Variants in PCSK5 observed in about 807,000 individuals in gnomAD.
PCSK5 encodes the protein prohormone convertase 5.
Under a neutral mutation model 233.2 loss-of-function variants are expected in PCSK5, and 129 were observed. The observed-to-expected ratio is 0.55, with a 90% CI of 0.48 to 0.64. The LOEUF is 0.64. PCSK5 is among the 30% of genes least tolerant of loss of function. The pLI, the probability that PCSK5 is intolerant of heterozygous loss-of-function variation, is 0.00. For missense variants in PCSK5, 2,076 were observed against 2,430.1 expected (o/e 0.85, Z 3.06); for synonymous variants, 825 against 879.2 (o/e 0.94, Z 1.09).
At chr9:75,957,414 T>C (rs1205789057) in intron 2 of PCSK5, among the ~76,000 whole-genome samples, 1 of 152,160 alleles carries the variant, frequency 6.6e-6, no homozygotes, top group Non-Finnish European at 1.5e-5. Context: ...GGCAGTGTTG[T>C]TACAATAAAT....
intron 5 of PCSK5, among the ~76,000 whole-genome samples, chr9:76,056,797 G>A (rs1829834981): frequency 6.6e-6 from 1 of 152,016 alleles, no homozygotes; most frequent in Admixed American, 6.6e-5. Context: ...TGCAATAAGA[G>A]GCATTTTTTT....
Position 76,159,052 on chromosome 9 carries a change from C to T in PCSK5, c.1500C>T (p.Arg500=). 6.2e-7 allele frequency: 1 copy of T among 1,614,172 alleles called. No homozygotes were observed. The highest frequency in any genetic ancestry group is 1.7e-5 in the Admixed American group (1 of 60,028). The change falls in exon 12 of 38, where the codon CGC becomes CGT. Residue 500 remains arginine (R), a synonymous_variant. Transcript: ENST00000674117. ...CAGGCTGCTCGGATAACCCCAACCG[C>T]CATGTCAACTACCTGGAGCACGTCG... ...KASGCSDNPN[R]HVNYLEHVVV... is the part of the protein sequence containing the mutation.
intron 1 of PCSK5, among the ~76,000 whole-genome samples, chr9:75,901,976 G>A (rs2131201407): frequency 6.6e-6 from 1 of 152,204 alleles, no homozygotes; most frequent in Admixed American, 6.5e-5. Flanking sequence ...AGCACTTTGG[G>A]AGGCCAAGGC....
chr9:76,112,773 T>A (rs1166362080), intron 9 of PCSK5, among the ~76,000 whole-genome samples: 2 of 152,010 alleles, frequency 1.3e-5, no homozygotes, highest in Admixed American at 1.3e-4. Flanking sequence ...GGGAAGCAAA[T>A]GTACACTAAC....
intron 20 of PCSK5, among the ~76,000 whole-genome samples, chr9:76,206,231 G>A (rs907819213): frequency 1.3e-5 from 2 of 152,158 alleles, no homozygotes; most frequent in African/African-American, 4.8e-5. Context: ...ACCAACACTG[G>A]TGTTAACTAC....
intron 4 of PCSK5, among the ~76,000 whole-genome samples, chr9:76,026,366 G>A (rs773342633): frequency 6.6e-6 from 1 of 152,088 alleles, no homozygotes; most frequent in Non-Finnish European, 1.5e-5. Context: ...TCTAAATTAT[G>A]GACTCCTTTA....
chr9:76,057,152 CA>C (rs1478733489), intron 5 of PCSK5, among the ~76,000 whole-genome samples: 10 of 152,082 alleles, frequency 6.6e-5, no homozygotes, highest in Non-Finnish European at 1.3e-4. Context: ...GGTCTCTGAG[CA>C]AAAACACATC....
chr9:76,296,580 C>A, intron 26 of PCSK5, 85 bp from the exon 27 acceptor site: 1 of 782,516 alleles, frequency 1.3e-6, no homozygotes. Flanking sequence ...GAAAAATGTC[C>A]CTAAAATTTC....
At chr9:76,066,446 C>G (rs978947042) in intron 5 of PCSK5, among the ~76,000 whole-genome samples, 2 of 152,090 alleles carry the variant, frequency 1.3e-5, no homozygotes, top group Non-Finnish European at 2.9e-5. Context: ...AATTCTACTT[C>G]TAGGAATTCG....
intron 33 of PCSK5, among the ~76,000 whole-genome samples, chr9:76,330,841 G>A (rs1044392497): frequency 5.3e-5 from 8 of 152,030 alleles, no homozygotes; most frequent in Admixed American, 3.9e-4. Context: ...CTTCCCAGCA[G>A]TTGCTGCTTC....
rs182941557 is a variant in PCSK5 at position 76,092,872 on chromosome 9, C to G, written c.895-3018C>G. Among the ~76,000 whole-genome samples the G allele has an allele frequency of 1.0e-3, 154 of 152,226 alleles. 1 individual carries two copies. The Middle Eastern group carries it at 0.01, about 10-fold the overall frequency. ...AAAAATTATCTCTTAACAATTGACT[C>G]TTTGTTTTCCCTCTTAGTAGAGGAA... On this transcript the variant is annotated intron_variant, in intron 7 of 37. Coordinates refer to ENST00000674117, the MANE Select transcript of PCSK5 (RefSeq NM_001372043.1).
chr9:76,314,085 A>T (rs1194760139), intron 30 of PCSK5, among the ~76,000 whole-genome samples: 1 of 152,180 alleles, frequency 6.6e-6, no homozygotes, highest in African/African-American at 2.4e-5. Flanking sequence ...GGATTCTTTG[A>T]GTGTTCCAGG....
At chr9:76,004,499 G>T (rs570441851) in intron 3 of PCSK5, among the ~76,000 whole-genome samples, 2 of 152,202 alleles carry the variant, frequency 1.3e-5, no homozygotes, top group East Asian at 3.9e-4. Flanking sequence ...TGTAGCACGT[G>T]CATATCCTAT....
chr9:76,258,487 A>G (rs1827054935), intron 24 of PCSK5, among the ~76,000 whole-genome samples: 1 of 152,168 alleles, frequency 6.6e-6, no homozygotes, highest in Non-Finnish European at 1.5e-5. Flanking sequence ...TTTCAGATTT[A>G]TTGTGTTCAG....
intron 5 of PCSK5, among the ~76,000 whole-genome samples, chr9:76,064,112 G>T: frequency 8.5e-6 from 1 of 118,198 alleles, no homozygotes; most frequent in African/African-American, 3.8e-5. Context: ...CCTCCCAGAC[G>T]GGGCGGCTGG....
intron 35 of PCSK5, among the ~76,000 whole-genome samples, chr9:76,348,810 C>T (rs536050729): frequency 2.6e-5 from 4 of 151,994 alleles, no homozygotes; most frequent in African/African-American, 9.6e-5. Context: ...AGCCCCCCAG[C>T]CCCCAGCCTC....
intron 8 of PCSK5, among the ~76,000 whole-genome samples, chr9:76,104,906 A>G (rs1831915663): frequency 6.6e-6 from 1 of 152,204 alleles, no homozygotes; most frequent in African/African-American, 2.4e-5. Flanking sequence ...ACACCTGGAA[A>G]CAAGCTACTT....
intron 16 of PCSK5, among the ~76,000 whole-genome samples, chr9:76,183,009 C>G (rs1392498932): frequency 6.6e-6 from 1 of 152,124 alleles, no homozygotes; most frequent in Non-Finnish European, 1.5e-5. Context: ...AAGGACTCTG[C>G]CTTTCTTGCT....
chr9:76,192,862 G>T (rs552791383), intron 20 of PCSK5, among the ~76,000 whole-genome samples: 14 of 152,140 alleles, frequency 9.2e-5, no homozygotes, highest in African/African-American at 3.1e-4. Flanking sequence ...CTTAAATCTT[G>T]TGTCTTAGAT....
Sources: gnomAD v4.1 joint callset for allele counts (sites outside exome capture counted in the v4.1 genomes callset) on GRCh38, gnomAD v4.1.1 for gene constraint, MANE v1.5 for transcripts, NCBI Gene and HGNC (gene_info 2026-07-23, HGNC 2026-07-21) for gene names.